Variants in MARCHF1 observed in about 807,000 individuals in gnomAD.
The protein encoded by MARCHF1 is E3 ubiquitin-protein ligase MARCHF1.
Under a neutral mutation model 54.2 loss-of-function variants are expected in MARCHF1, and 40 were observed. The observed-to-expected ratio is 0.74, with a 90% CI of 0.57 to 0.96. MARCHF1 has a LOEUF of 0.96. Among genes scored for constraint, MARCHF1 ranks in the 40% least tolerant of loss-of-function variants. The pLI, the probability that MARCHF1 is intolerant of heterozygous loss-of-function variation, is 0.00. For synonymous variants in MARCHF1, 236 were observed against 236.3 expected, an observed-to-expected ratio of 1.00 and a Z score of 0.01; for missense variants, 586 against 656.5, an observed-to-expected ratio of 0.89 and a Z score of 1.17.
intron 2 of MARCHF1, among the ~76,000 whole-genome samples, chr4:164,002,494 C>T (rs1465803726): frequency 6.6e-6 from 1 of 150,902 alleles, no homozygotes; most frequent in Non-Finnish European, 1.5e-5. Flanking sequence ...AACCTGAAAA[C>T]ATAGCAATAG....
intron 4 of MARCHF1, among the ~76,000 whole-genome samples, chr4:163,825,698 CGTTAAGCATTTTT>C (rs1748830790): frequency 6.6e-6 from 1 of 151,834 alleles, no homozygotes; most frequent in Non-Finnish European, 1.5e-5. Context: ...TGATTAGTGA[CGTTAAGCATTTTT>C]TAATATAATG....
chr4:164,142,575 A>ATGG (rs1323271909), intron 1 of MARCHF1, among the ~76,000 whole-genome samples: 2 of 152,202 alleles, frequency 1.3e-5, no homozygotes, highest in African/African-American at 4.8e-5. Flanking sequence ...GACACCTCAC[A>ATGG]CAGCCAGGTA....
chr4:163,968,076 T>G (rs1296878732), intron 3 of MARCHF1, among the ~76,000 whole-genome samples: 1 of 152,176 alleles, frequency 6.6e-6, no homozygotes, highest in Non-Finnish European at 1.5e-5. Context: ...AAATTTCCCC[T>G]GCATTGCTGG....
chr4:163,848,359 T>G (rs1217253680), intron 4 of MARCHF1, among the ~76,000 whole-genome samples: 1 of 152,172 alleles, frequency 6.6e-6, no homozygotes, highest in Non-Finnish European at 1.5e-5. Context: ...TCTTTTTTTC[T>G]TTGTAACTCC....
chr4:164,233,305 T>C (rs962589702), intron 1 of MARCHF1, among the ~76,000 whole-genome samples: 1 of 152,154 alleles, frequency 6.6e-6, no homozygotes, highest in Middle Eastern at 3.2e-3. Flanking sequence ...TCTTATTTAC[T>C]CTTCTGGAAT....
chr4:164,044,819 A>ACT (rs10550366), intron 2 of MARCHF1, among the ~76,000 whole-genome samples: 2 of 150,982 alleles, frequency 1.3e-5, no homozygotes, highest in Admixed American at 6.6e-5. Context: ...GACACTATAG[A>ACT]CTCTCTCTCT....
At chr4:164,052,723 C>T (rs1288579323) in intron 2 of MARCHF1, among the ~76,000 whole-genome samples, 3 of 152,242 alleles carry the variant, frequency 2.0e-5, no homozygotes, top group South Asian at 2.1e-4. Context: ...AATTTGAGCT[C>T]ATTCACCAGC....
chr4:163,767,140 A>G (rs1439461704), intron 4 of MARCHF1, among the ~76,000 whole-genome samples: 2 of 150,756 alleles, frequency 1.3e-5, no homozygotes, highest in Non-Finnish European at 3.0e-5. Context: ...AAGGATATAA[A>G]GCCTGTAGGT....
intron 2 of MARCHF1, among the ~76,000 whole-genome samples, chr4:164,017,654 A>C (rs1267669060): frequency 6.6e-6 from 1 of 151,918 alleles, no homozygotes; most frequent in Non-Finnish European, 1.5e-5. Context: ...CTGAAATAAA[A>C]TGAAGATAAA....
At chr4:164,319,713 G>T (rs774993363) in intron 1 of MARCHF1, among the ~76,000 whole-genome samples, 1 of 152,024 alleles carries the variant, frequency 6.6e-6, no homozygotes, top group Non-Finnish European at 1.5e-5. Context: ...CAGATAATCA[G>T]ATAGATCCTT....
At chr4:163,819,900 T>G (rs1748643953) in intron 4 of MARCHF1, among the ~76,000 whole-genome samples, 1 of 152,100 alleles carries the variant, frequency 6.6e-6, no homozygotes, top group African/African-American at 2.4e-5. Context: ...GATGATTCCT[T>G]TGCAGAATTA....
At chr4:163,943,382 G>A (rs1447097024) in intron 3 of MARCHF1, among the ~76,000 whole-genome samples, 1 of 152,048 alleles carries the variant, frequency 6.6e-6, no homozygotes, top group Admixed American at 6.6e-5. Context: ...TAATGAAGGG[G>A]TCCAGTATCA....
rs1313448247 is a variant in MARCHF1 at position 163,850,617 on chromosome 4, G to A, written c.111+3404C>T. On this transcript the variant is annotated intron_variant, in intron 4 of 9. Coordinates refer to ENST00000514618, the MANE Select transcript of MARCHF1 (RefSeq NM_001394959.1). ...CCATAGCAAAAATCTAAAATATACA[G>A]CATTTCTTTAATAGCTGGGCAATGG... Among the ~76,000 whole-genome samples the A allele has an allele frequency of 2.0e-5, 3 of 152,250 alleles. 1 individual carries two copies. The South Asian group carries it at 6.2e-4, about 32-fold the overall frequency.
At chr4:163,634,543 C>T (rs1214706365) in intron 5 of MARCHF1, among the ~76,000 whole-genome samples, 1 of 151,660 alleles carries the variant, frequency 6.6e-6, no homozygotes, top group Non-Finnish European at 1.5e-5. Context: ...ACAAGAAGAG[C>T]TAACTATCCT....
At position 164,201,515 on chromosome 4, in the gene MARCHF1, C is replaced by T. The variant is rs770091569; in HGVS notation, c.-322-89853G>A. Among the ~76,000 whole-genome samples the T allele has an allele frequency of 8.5e-5, 13 of 152,096 alleles. No individual in the cohort carries two copies. The South Asian group carries it at 1.0e-3, about 12-fold the overall frequency. On this transcript the variant is annotated intron_variant, in intron 1 of 9. Transcript: ENST00000514618. The stretch of plus-strand genomic sequence containing the variant: ...GATTATAGGTGTGAGCCACCGTGCC[C>T]GGCCAAGACTGATTTTTTACAATGA...
At chr4:163,875,997 G>T (rs1036175263) in intron 3 of MARCHF1, among the ~76,000 whole-genome samples, 1 of 151,956 alleles carries the variant, frequency 6.6e-6, no homozygotes, top group Non-Finnish European at 1.5e-5. Context: ...ATATTGAAGC[G>T]ATAAAGGAAA....
At chr4:164,307,335 C>T (rs1734722777) in intron 1 of MARCHF1, among the ~76,000 whole-genome samples, 1 of 152,192 alleles carries the variant, frequency 6.6e-6, no homozygotes, top group Non-Finnish European at 1.5e-5. Context: ...ATTTCTGATG[C>T]ATTAAAGAGG....
At chr4:163,729,477 A>AT (rs1745765851) in intron 4 of MARCHF1, among the ~76,000 whole-genome samples, 1 of 152,000 alleles carries the variant, frequency 6.6e-6, no homozygotes, top group African/African-American at 2.4e-5. Context: ...GCCTACTCAG[A>AT]TTTTTTGCTT....
intron 4 of MARCHF1, among the ~76,000 whole-genome samples, chr4:163,781,834 G>A (rs1747474560): frequency 6.6e-6 from 1 of 152,204 alleles, no homozygotes; most frequent in Non-Finnish European, 1.5e-5. Context: ...AAAATCATAT[G>A]TGAGTTTTGC....
Sources: allele counts gnomAD v4.1 joint callset (sites outside exome capture counted in the v4.1 genomes callset), GRCh38; gene constraint gnomAD v4.1.1; transcripts MANE v1.5; gene names NCBI Gene and HGNC (gene_info 2026-07-23, HGNC 2026-07-21).